WDR7: variants seen among roughly 807,000 people sequenced by gnomAD.
The protein encoded by WDR7 is WD repeat-containing protein 7.
In WDR7, 46 loss-of-function variants were observed where a neutral mutation model predicts 169.4. The observed-to-expected ratio is 0.27, with a 90% CI of 0.21 to 0.35. The LOEUF is 0.35. WDR7 is among the 10% of genes least tolerant of loss of function. The probability of loss-of-function intolerance (pLI) is 1.00; values close to 1 mark genes in which losing one functional copy is unlikely to be tolerated. For synonymous variants in WDR7, 612 were observed against 666.8 expected (o/e 0.92, Z 1.27); for missense variants, 1,534 against 1,859.3 (o/e 0.83, Z 3.22).
chr18:56,715,107 T>G (rs931358118), intron 12 of WDR7, among the ~76,000 whole-genome samples: 6 of 152,140 alleles, frequency 3.9e-5, no homozygotes, highest in African/African-American at 1.2e-4. Flanking sequence ...AAACTTCTCA[T>G]GAGGGGTTGA....
intron 21 of WDR7, among the ~76,000 whole-genome samples, chr18:56,914,801 A>G (rs2046602979): frequency 6.6e-6 from 1 of 152,184 alleles, no homozygotes; most frequent in Non-Finnish European, 1.5e-5. Flanking sequence ...TTGCTCATTT[A>G]TAGGAAGCTA....
intron 20 of WDR7, among the ~76,000 whole-genome samples, chr18:56,867,110 C>T (rs1396767780): frequency 2.0e-5 from 3 of 152,100 alleles, no homozygotes; most frequent in Admixed American, 6.6e-5. Flanking sequence ...CTGCAACCTC[C>T]GCCCCCTGGG....
chr18:56,877,193 A>G (rs1339101050), intron 20 of WDR7, among the ~76,000 whole-genome samples: 1 of 152,206 alleles, frequency 6.6e-6, no homozygotes, highest in East Asian at 1.9e-4. Context: ...AATACTGTAA[A>G]TAATTCCATA....
intron 16 of WDR7, among the ~76,000 whole-genome samples, chr18:56,775,835 A>G (rs765779098): frequency 6.6e-6 from 1 of 152,220 alleles, no homozygotes; most frequent in Non-Finnish European, 1.5e-5. Flanking sequence ...AAAAGCAAAC[A>G]TATCATTCAG....
chr18:56,947,817 C>T (rs1053768837), intron 25 of WDR7, among the ~76,000 whole-genome samples: 3 of 152,188 alleles, frequency 2.0e-5, no homozygotes, highest in East Asian at 1.9e-4. Context: ...ATGTGTGATA[C>T]GCACATGTTC....
intron 25 of WDR7, 152 bp from the exon 26 acceptor site, chr18:56,962,278 A>G (rs946810946): frequency 7.4e-6 from 3 of 406,632 alleles, no homozygotes; most frequent in African/African-American, 6.2e-5. Context: ...AACATTTTTG[A>G]AAAATCATAA....
At chr18:56,662,136 G>C (rs62101663) in intron 1 of WDR7, among the ~76,000 whole-genome samples, 139,678 of 152,162 alleles carry the variant, frequency 0.92, 65,277 homozygotes, top group East Asian at 1. Context: ...TCATGTATGC[G>C]CATCCTCGTG....
intron 12 of WDR7, chr18:56,699,700 T>C: frequency 2.7e-6 from 1 of 365,466 alleles, no homozygotes; most frequent in Non-Finnish European, 3.8e-6. Flanking sequence ...TTCTCCTCTC[T>C]TTATAGTCAC....
chr18:56,817,814 C>T (rs1429244945), intron 20 of WDR7, among the ~76,000 whole-genome samples: 8 of 150,388 alleles, frequency 5.3e-5, no homozygotes, highest in Admixed American at 1.3e-4. Context: ...GGCGCGATCT[C>T]GGCTCACTGC....
intron 14 of WDR7, among the ~76,000 whole-genome samples, chr18:56,733,114 G>C (rs979553123): frequency 1.4e-4 from 22 of 152,180 alleles, no homozygotes; most frequent in Non-Finnish European, 1.6e-4. Context: ...AGTGATAAAA[G>C]CACCAGATAT....
chr18:57,015,246 T>G (rs1163906092), intron 26 of WDR7, among the ~76,000 whole-genome samples: 1 of 152,210 alleles, frequency 6.6e-6, no homozygotes, highest in Non-Finnish European at 1.5e-5. Flanking sequence ...CAAAGAGACT[T>G]GAGAAGGCTT....
chr18:56,942,382 C>G (rs139600685), intron 25 of WDR7, among the ~76,000 whole-genome samples: 4 of 152,226 alleles, frequency 2.6e-5, no homozygotes, highest in Non-Finnish European at 5.9e-5. Flanking sequence ...GATCTTATCT[C>G]CCTCTGGTAT....
chr18:56,825,573 G>T (rs2045187748), intron 20 of WDR7, among the ~76,000 whole-genome samples: 1 of 152,142 alleles, frequency 6.6e-6, no homozygotes, highest in Admixed American at 6.6e-5. Flanking sequence ...ACAAAGTCAG[G>T]ATTTGAAGCT....
At chr18:56,700,593 G>A (rs1397429302) in intron 12 of WDR7, among the ~76,000 whole-genome samples, 3 of 103,350 alleles carry the variant, frequency 2.9e-5, no homozygotes, top group Admixed American at 2.6e-4. Flanking sequence ...TTTTTGAGAC[G>A]GAGTCTCGCT....
chr18:56,794,304 A>ATTTTTT (rs566857049), intron 19 of WDR7, among the ~76,000 whole-genome samples: 4 of 49,460 alleles, frequency 8.1e-5, no homozygotes, highest in East Asian at 6.1e-4. Flanking sequence ...GGTAAAGTCT[A>ATTTTTT]TTTTTTTTTT....
At chr18:56,944,864 A>T (rs9955871) in intron 25 of WDR7, among the ~76,000 whole-genome samples, 9,330 of 152,256 alleles carry the variant, frequency 0.061, 880 homozygotes, top group African/African-American at 0.21. Flanking sequence ...TCACAAGCAA[A>T]TTAAAGAAGA....
At chr18:56,825,775 G>A (rs1185814018) in intron 20 of WDR7, among the ~76,000 whole-genome samples, 1 of 152,088 alleles carries the variant, frequency 6.6e-6, no homozygotes. Flanking sequence ...GGAAGTGTTT[G>A]AAATGTGAAG....
intron 6 of WDR7, 104 bp downstream of exon 6, chr18:56,686,136 A>G (rs757848080): frequency 7.2e-6 from 7 of 976,118 alleles, no homozygotes; most frequent in Non-Finnish European, 9.0e-6. Context: ...GGAAGGAAAA[A>G]GTGATTATTT....
At chr18:56,834,149 T>C (rs949540645) in intron 20 of WDR7, among the ~76,000 whole-genome samples, 25 of 152,342 alleles carry the variant, frequency 1.6e-4, no homozygotes, top group African/African-American at 4.6e-4. Context: ...GGCATTTCCC[T>C]TCATAACAGC....
Sources: gnomAD v4.1 joint callset for allele counts (sites outside exome capture counted in the v4.1 genomes callset) on GRCh38, gnomAD v4.1.1 for gene constraint, MANE v1.5 for transcripts, NCBI Gene and HGNC (gene_info 2026-07-23, HGNC 2026-07-21) for gene names.